Variants in CAMTA1 observed in about 807,000 individuals in gnomAD.
The protein encoded by CAMTA1 is calmodulin-binding transcription activator 1.
In CAMTA1, 27 loss-of-function variants were observed where a neutral mutation model predicts 170.9. The ratio of observed to expected loss-of-function variants is 0.16; its 90% confidence interval spans 0.12 to 0.22. The LOEUF (loss-of-function observed/expected upper bound fraction) is 0.22, where lower values mean the gene tolerates loss of function less well. Ranked by LOEUF, CAMTA1 falls within the 10% of genes least tolerant of loss-of-function variation. The pLI, the probability that CAMTA1 is intolerant of heterozygous loss-of-function variation, is 1.00. For synonymous variants in CAMTA1, 833 were observed against 891.5 expected, an observed-to-expected ratio of 0.93 and a Z score of 1.17; for missense variants, 1,619 against 2,217.2, an observed-to-expected ratio of 0.73 and a Z score of 5.42.
At chr1:6,959,238 G>A (rs1297834887) in intron 3 of CAMTA1, among the ~76,000 whole-genome samples, 3 of 152,216 alleles carry the variant, frequency 2.0e-5, no homozygotes, top group African/African-American at 7.2e-5. Flanking sequence ...AGAAAAGGGT[G>A]GCCACAGTCC....
intron 6 of CAMTA1, among the ~76,000 whole-genome samples, chr1:7,630,079 TATA>T (rs2095658812): frequency 6.6e-6 from 1 of 152,240 alleles, no homozygotes; most frequent in Admixed American, 6.5e-5. Context: ...CCGGGTCATT[TATA>T]ATGATTTTAA....
chr1:7,116,289 A>G (rs1343258924), intron 4 of CAMTA1, among the ~76,000 whole-genome samples: 2 of 152,254 alleles, frequency 1.3e-5, no homozygotes, highest in Non-Finnish European at 2.9e-5. Context: ...ACTTGTAGGT[A>G]CATAAGTTAA....
At chr1:7,724,018 C>T (rs2096666267) in intron 11 of CAMTA1, among the ~76,000 whole-genome samples, 1 of 152,182 alleles carries the variant, frequency 6.6e-6, no homozygotes, top group African/African-American at 2.4e-5. Context: ...TGGGTTTCAC[C>T]ATGTTGGCCA....
chr1:7,016,723 T>C (rs1700597691), intron 3 of CAMTA1, among the ~76,000 whole-genome samples: 1 of 151,848 alleles, frequency 6.6e-6, no homozygotes, highest in Admixed American at 6.6e-5. Context: ...TAATCCCAGC[T>C]ACATGGGAGG....
intron 6 of CAMTA1, among the ~76,000 whole-genome samples, chr1:7,492,763 CT>C (rs1456392072): frequency 1.5e-5 from 1 of 65,060 alleles, no homozygotes. Flanking sequence ...ACACACAAAC[CT>C]ACATACACAA....
intron 4 of CAMTA1, among the ~76,000 whole-genome samples, chr1:7,204,830 C>CTTTTTTTTTTTTTTTTTTTT (rs367812076): frequency 2.3e-5 from 2 of 86,806 alleles, no homozygotes; most frequent in Non-Finnish European, 4.3e-5. Flanking sequence ...TTCTTTTTTT[C>CTTTTTTTTTTTTTTTTTTTT]TTTTTTTTTT....
intron 3 of CAMTA1, among the ~76,000 whole-genome samples, chr1:7,070,953 G>A (rs1638563213): frequency 1.3e-5 from 2 of 152,226 alleles, no homozygotes; most frequent in South Asian, 4.1e-4. Flanking sequence ...CTTGGTGTGT[G>A]TTTTGGGGCA....
At chr1:7,031,001 ATTTT>A (rs58953861) in intron 3 of CAMTA1, among the ~76,000 whole-genome samples, 1 of 100,058 alleles carries the variant, frequency 1.0e-5, no homozygotes. Flanking sequence ...TGCCCAGCTA[ATTTT>A]TTTTTTTTTT....
At position 7,136,079 on chromosome 1, in the gene CAMTA1, A is replaced by C. The variant is rs1314962695; in HGVS notation, c.302+44708A>C. On this transcript the variant is annotated intron_variant, in intron 4 of 22. Transcript: ENST00000303635. The stretch of plus-strand genomic sequence containing the variant: ...TAACTGGTCTTATTTTAAATGTATG[A>C]TCCCTACCCCAGGCCCTGGTGCTAT... Among the ~76,000 whole-genome samples the C allele has an allele frequency of 2.0e-5, 3 of 151,628 alleles. 1 individual carries two copies. Among genetic ancestry groups the C allele is most frequent in the African/African-American group, 2.4e-5 (1 of 40,964 alleles).
intron 3 of CAMTA1, among the ~76,000 whole-genome samples, chr1:6,848,401 G>A (rs947067098): frequency 6.6e-6 from 1 of 152,066 alleles, no homozygotes; most frequent in African/African-American, 2.4e-5. Flanking sequence ...CTCCCGTTTC[G>A]TCCTCCCAAA....
chr1:7,620,971 A>G (rs1397679277), intron 6 of CAMTA1, among the ~76,000 whole-genome samples: 1 of 152,290 alleles, frequency 6.6e-6, no homozygotes, highest in East Asian at 1.9e-4. Flanking sequence ...CAGGTGCAGG[A>G]TGCATGGGGC....
chr1:6,844,556 C>T (rs1271072687), intron 3 of CAMTA1, among the ~76,000 whole-genome samples: 4 of 148,708 alleles, frequency 2.7e-5, no homozygotes, highest in Non-Finnish European at 5.9e-5. Flanking sequence ...CATAGAGGTG[C>T]GTGCCTGTAG....
intron 6 of CAMTA1, among the ~76,000 whole-genome samples, chr1:7,605,624 G>T (rs2095480172): frequency 1.3e-5 from 2 of 152,206 alleles, no homozygotes; most frequent in Admixed American, 1.3e-4. Context: ...CTGACCCTTT[G>T]TGCTTCCCAG....
intron 4 of CAMTA1, among the ~76,000 whole-genome samples, chr1:7,131,335 T>C (rs1275871263): frequency 6.6e-6 from 1 of 152,156 alleles, no homozygotes; most frequent in Admixed American, 6.6e-5. Flanking sequence ...TATTTTTTCA[T>C]GGTTCATGCT....
intron 11 of CAMTA1, among the ~76,000 whole-genome samples, chr1:7,725,279 G>A (rs1196552071): frequency 2.6e-5 from 4 of 152,212 alleles, no homozygotes; most frequent in Middle Eastern, 3.2e-3. Flanking sequence ...CACGAGAGGC[G>A]GAGACAGACA....
At chr1:7,110,212 A>G (rs562759813) in intron 4 of CAMTA1, among the ~76,000 whole-genome samples, 1 of 152,154 alleles carries the variant, frequency 6.6e-6, no homozygotes, top group East Asian at 1.9e-4. Context: ...AACAAGAAGC[A>G]CAGCACATTT....
At chr1:7,052,433 G>T (rs1316444264) in intron 3 of CAMTA1, among the ~76,000 whole-genome samples, 2 of 152,018 alleles carry the variant, frequency 1.3e-5, no homozygotes, top group African/African-American at 4.8e-5. Context: ...AGACTACCTG[G>T]CCTTCTCTGC....
At chr1:6,915,089 TC>T (rs1268925943) in intron 3 of CAMTA1, among the ~76,000 whole-genome samples, 1 of 152,242 alleles carries the variant, frequency 6.6e-6, no homozygotes, top group African/African-American at 2.4e-5. Flanking sequence ...AATTAAGCCT[TC>T]TGATTTATTT....
intron 5 of CAMTA1, among the ~76,000 whole-genome samples, chr1:7,400,876 T>G (rs572521725): frequency 1.7e-4 from 26 of 152,342 alleles, no homozygotes; most frequent in African/African-American, 6.3e-4. Context: ...TGAGGGAGTA[T>G]TTCAAGAGTT....
Sources: allele counts gnomAD v4.1 joint callset (sites outside exome capture counted in the v4.1 genomes callset), GRCh38; gene constraint gnomAD v4.1.1; transcripts MANE v1.5; gene names NCBI Gene and HGNC (gene_info 2026-07-23, HGNC 2026-07-21).